Variants in DEGS1 observed in about 807,000 individuals in gnomAD.
DEGS1 encodes delta 4-desaturase, sphingolipid 1, also known as sphingolipid delta(4)-desaturase DES1.
A neutral mutation model predicts 24.1 loss-of-function variants in DEGS1; 17 were observed. The observed-to-expected ratio is 0.70, with a 90% CI of 0.48 to 1.06. The LOEUF (loss-of-function observed/expected upper bound fraction) is 1.06. DEGS1 is among the 50% of genes least tolerant of loss of function. The pLI is 0.00. For synonymous variants in DEGS1, 134 were observed against 140.0 expected, an observed-to-expected ratio of 0.96 and a Z score of 0.30; for missense variants, 366 against 408.9, an observed-to-expected ratio of 0.90 and a Z score of 0.91.
intron 1 of DEGS1, 74 bp downstream of exon 1, chr1:224,183,492 C>A: frequency 8.4e-7 from 1 of 1,186,866 alleles, no homozygotes; most frequent in Non-Finnish European, 1.1e-6. Flanking sequence ...CCCTCGCGGG[C>A]CCTGCGCGGT....
chr1:224,192,429 C>T lies in DEGS1; in HGVS notation c.923C>T (p.Pro308Leu). 1 of 1,612,894 alleles carries T rather than the reference C, an allele frequency of 6.2e-7. No homozygotes were observed. The highest frequency in any genetic ancestry group is 8.5e-7 in the Non-Finnish European group (1 of 1,179,614). ...TTTGTGATGGATGATACAATAAGTC[C>T]CTACTCAAGAATGAAGAGGCACCAA... ...YDFVMDDTISPYSRMKRHQKG... is the reference protein window; with the variant it reads ...YDFVMDDTISLYSRMKRHQKG... The change falls in exon 3 of 3, where the codon CCC becomes CTC. Residue 308 changes from proline (P) to leucine (L), a missense_variant. Physicochemically the swap from Pro to Leu is moderately conservative, Grantham distance 98. Coordinates refer to ENST00000323699, the MANE Select transcript of DEGS1 (RefSeq NM_003676.4).
rs1658495080 is a variant in DEGS1, at chr1:224,190,004, T to C, written c.510T>C (p.Tyr170=). 6.2e-7 allele frequency: 1 copy of C among 1,614,132 alleles called. No homozygotes were observed. The highest frequency in any genetic ancestry group is 1.7e-5 in the Admixed American group (1 of 59,996). Residue 170 remains tyrosine, a synonymous_variant, in exon 2 of 3, where the codon TAT becomes TAC. Coordinates refer to ENST00000323699, the MANE Select transcript of DEGS1 (RefSeq NM_003676.4). ...GGGTTATTCTTCAGCCTCTCTTTTA[T>C]GCCTTTCGACCTCTGTTCATCAACC... ...FIWVILQPLF[Y]AFRPLFINPK... is the part of the protein sequence containing the mutation.
At chr1:224,186,054 G>A (rs1368126566) in intron 1 of DEGS1, among the ~76,000 whole-genome samples, 2 of 152,024 alleles carry the variant, frequency 1.3e-5, no homozygotes, top group East Asian at 3.9e-4. Context: ...TGCCTGTCCC[G>A]CTACTCAGAA....
intron 1 of DEGS1, among the ~76,000 whole-genome samples, chr1:224,184,970 T>TACACAC (rs58790626): frequency 1.4e-3 from 202 of 148,686 alleles, no homozygotes; most frequent in South Asian, 4.6e-3. Flanking sequence ...GCCCCCCGTT[T>TACACAC]ACACACACAC....
chr1:224,188,313 A>G (rs1026795354), intron 1 of DEGS1, among the ~76,000 whole-genome samples: 5 of 152,170 alleles, frequency 3.3e-5, no homozygotes, highest in African/African-American at 9.7e-5. Flanking sequence ...ATATTTCAAT[A>G]AAATAATATT....
Position 224,183,253 on chromosome 1 carries a change from G to A in DEGS1, c.-84G>A, listed in dbSNP as rs1222615198. ...CAGCCGGCCGACACCACACCAGCCG[G>A]GGAGCCGCCGCCGCCGCCGCCACCT... On this transcript the variant is annotated 5_prime_UTR_variant, in exon 1 of 3. Coordinates refer to ENST00000323699, the MANE Select transcript of DEGS1 (RefSeq NM_003676.4). 28 of 1,287,352 alleles carry A rather than the reference G, an allele frequency of 2.2e-5. No homozygotes were observed. The highest frequency in any genetic ancestry group is 2.8e-5 in the Non-Finnish European group (27 of 959,832). 79.7% of individuals were successfully genotyped at this position (1,287,352 alleles called of 1,614,324 possible). A position where few individuals can be genotyped will look rare whatever the true frequency, so the allele number is the denominator to read the frequency against.
chr1:224,187,093 A>AG (rs1236947377), intron 1 of DEGS1, among the ~76,000 whole-genome samples: 2 of 152,100 alleles, frequency 1.3e-5, no homozygotes, highest in Non-Finnish European at 2.9e-5. Flanking sequence ...AGGTCACCTG[A>AG]GGTCAGGAGT....
intron 1 of DEGS1, among the ~76,000 whole-genome samples, chr1:224,188,498 T>C (rs1658450125): frequency 6.6e-6 from 1 of 152,156 alleles, no homozygotes; most frequent in South Asian, 2.1e-4. Context: ...GGTTCTAATT[T>C]CTCCACATCC....
At chr1:224,184,496 GTTTGTTTT>G (rs925284402) in intron 1 of DEGS1, among the ~76,000 whole-genome samples, 6 of 92,874 alleles carry the variant, frequency 6.5e-5, no homozygotes, top group African/African-American at 8.5e-5. Context: ...GACTGCACGT[GTTTGTTTT>G]TTGTTTGTTT....
At chr1:224,183,474 G>A in intron 1 of DEGS1, 56 bp downstream of exon 1, 1 of 1,240,048 alleles carries the variant, frequency 8.1e-7, no homozygotes, top group Middle Eastern at 3.0e-4. Flanking sequence ...GCGCCGGGGC[G>A]CGCTCTCCCC....
At chr1:224,183,750 G>C (rs940925829) in intron 1 of DEGS1, 1 of 214,072 alleles carries the variant, frequency 4.7e-6, no homozygotes, top group African/African-American at 2.3e-5. Context: ...GCCTTGAGTA[G>C]ATCTTTTCGC....
At chr1:224,184,636 C>A (rs1486550894) in intron 1 of DEGS1, among the ~76,000 whole-genome samples, 3 of 152,030 alleles carry the variant, frequency 2.0e-5, no homozygotes, top group African/African-American at 7.2e-5. Context: ...CTCAGCCTCC[C>A]GAGTAGCTGG....
intron 2 of DEGS1, among the ~76,000 whole-genome samples, chr1:224,191,377 GA>G (rs1658531655): frequency 6.7e-6 from 1 of 148,278 alleles, no homozygotes; most frequent in Non-Finnish European, 1.5e-5. Flanking sequence ...GTGACAGAGC[GA>G]AACTCCGTCT....
At position 224,190,202 on chromosome 1, in the gene DEGS1, C is replaced by T. The variant is rs146461576; in HGVS notation, c.708C>T (p.Phe236=). The change falls in exon 2 of 3, where the codon TTC becomes TTT. Residue 236 remains phenylalanine (F), a synonymous_variant. Coordinates refer to ENST00000323699, the MANE Select transcript of DEGS1 (RefSeq NM_003676.4). Reference sequence around the variant, plus strand: ...ATTTTATAGCTGAGCATTACATGTTCTTAAAGGGTCATGAAACTTACTCAT... The same window carrying T: ...ATTTTATAGCTGAGCATTACATGTTTTTAAAGGGTCATGAAACTTACTCAT... ...SGHFIAEHYM[F]LKGHETYSYY... 6.5e-7 allele frequency: 1 copy of T among 1,542,004 alleles called. No homozygotes were observed. The highest frequency in any genetic ancestry group is 1.3e-5 in the South Asian group (1 of 77,088).
At position 224,189,619 on chromosome 1, in the gene DEGS1, A is replaced by G. The variant is rs774667656; in HGVS notation, c.125A>G (p.Asn42Ser). ...EIKSLMKPDPNLIWIIIMMVL... is the reference protein window; with the variant it reads ...EIKSLMKPDPSLIWIIIMMVL... Reference sequence around the variant, plus strand: ...AAGTCCTTGATGAAACCTGATCCCAATTTGATATGGATTATAATTATGATG... The same window carrying G: ...AAGTCCTTGATGAAACCTGATCCCAGTTTGATATGGATTATAATTATGATG... Residue 42 changes from asparagine to serine, a missense_variant, in exon 2 of 3, where the codon AAT becomes AGT. By Grantham distance (46) the Asn-to-Ser change is conservative. Coordinates refer to ENST00000323699, the MANE Select transcript of DEGS1 (RefSeq NM_003676.4). 1.4e-5 allele frequency: 23 copies of G among 1,611,300 alleles called. No homozygotes were observed. The highest frequency in any genetic ancestry group is 4.0e-5 in the African/African-American group (3 of 74,900).
At position 224,192,657 on chromosome 1, in the gene DEGS1, G is replaced by T; in HGVS notation, c.*179G>T. 1 of 563,288 alleles carries T rather than the reference G, an allele frequency of 1.8e-6. No individual in the cohort carries two copies. The highest frequency in any genetic ancestry group is 3.0e-6 in the Non-Finnish European group (1 of 329,230). The allele number at this position is 563,288 out of a possible 1,614,324, so 34.9% of individuals were successfully genotyped here. A position where few individuals can be genotyped will look rare whatever the true frequency, so the allele number is the denominator to read the frequency against. On this transcript the variant is annotated 3_prime_UTR_variant, in exon 3 of 3. Coordinates refer to ENST00000323699, the MANE Select transcript of DEGS1 (RefSeq NM_003676.4). ...TAAACAGTCAGCCTGACTCTGTACTGCTCAGTTTCACTCACAGGAAACTTG... is the reference window on the plus strand; with the variant it reads ...TAAACAGTCAGCCTGACTCTGTACTTCTCAGTTTCACTCACAGGAAACTTG...
chr1:224,189,719 G>A lies in DEGS1; in HGVS notation c.225G>A (p.Ala75=), dbSNP rs1658484105. 2.5e-6 allele frequency: 4 copies of A among 1,614,178 alleles called. No homozygotes were observed. Among genetic ancestry groups the A allele is most frequent in the African/African-American group, 1.3e-5 (1 of 75,038 alleles). The change falls in exon 2 of 3, where the codon GCG becomes GCA. Residue 75 remains alanine (A), a synonymous_variant. Transcript: ENST00000323699. ...AATGGGTCATATTTGGGGCCTATGC[G>A]TTTGGCAGTTGCATTAACCACTCAA... ...DWKWVIFGAY[A]FGSCINHSMT...
intron 1 of DEGS1, among the ~76,000 whole-genome samples, chr1:224,185,825 A>G (rs1235108604): frequency 6.6e-6 from 1 of 152,198 alleles, no homozygotes; most frequent in East Asian, 1.9e-4. Flanking sequence ...TGCCTTATCT[A>G]CATGTTACAT....
intron 2 of DEGS1, among the ~76,000 whole-genome samples, chr1:224,190,530 G>A (rs55977521): frequency 6.7e-6 from 1 of 148,650 alleles, no homozygotes; most frequent in Non-Finnish European, 1.5e-5. Context: ...GCTAATTTTT[G>A]TATTTTTAGT....
Sources: allele counts gnomAD v4.1 joint callset (sites outside exome capture counted in the v4.1 genomes callset), GRCh38; gene constraint gnomAD v4.1.1; transcripts MANE v1.5; gene names NCBI Gene and HGNC (gene_info 2026-07-23, HGNC 2026-07-21).